The following PPP2R5C variants were observed in gnomAD, a reference collection of about 807,000 sequenced individuals.
The protein encoded by PPP2R5C is protein phosphatase 2 regulatory subunit B'gamma.
In PPP2R5C, 7 loss-of-function variants were observed where a neutral mutation model predicts 68.9. The ratio of observed to expected loss-of-function variants is 0.10; its 90% CI spans 0.06 to 0.19. PPP2R5C has a LOEUF of 0.19. Ranked by LOEUF, PPP2R5C falls within the 10% of genes least tolerant of loss-of-function variation. The pLI is 1.00. For missense variants in PPP2R5C, 348 were observed against 641.3 expected (o/e 0.54, Z 4.94); for synonymous variants, 210 against 222.2 (o/e 0.95, Z 0.49).
At chr14:101,811,234 A>C (rs1317672491) in intron 1 of PPP2R5C, among the ~76,000 whole-genome samples, 1 of 152,246 alleles carries the variant, frequency 6.6e-6, no homozygotes, top group East Asian at 1.9e-4. Flanking sequence ...TTTGTAGTGC[A>C]CCCAGTAAAA....
intron 1 of PPP2R5C, among the ~76,000 whole-genome samples, chr14:101,817,347 T>A (rs1190825404): frequency 6.6e-6 from 1 of 152,156 alleles, no homozygotes; most frequent in African/African-American, 2.4e-5. Context: ...AGGGTCTGCT[T>A]TGGAAAAAAT....
chr14:101,897,974 G>GT (rs1041675413), intron 8 of PPP2R5C, among the ~76,000 whole-genome samples: 1 of 150,926 alleles, frequency 6.6e-6, no homozygotes, highest in Non-Finnish European at 1.5e-5. Flanking sequence ...GGGAAACATA[G>GT]TGAGACCTCC....
At chr14:101,839,763 G>C (rs1343598443) in intron 1 of PPP2R5C, among the ~76,000 whole-genome samples, 2 of 152,234 alleles carry the variant, frequency 1.3e-5, no homozygotes, top group Non-Finnish European at 2.9e-5. Context: ...CACATGTCCA[G>C]TGAAATTTCA....
exon 14 of PPP2R5C, chr14:101,925,274 C>T (rs1399310562): frequency 1.9e-6 from 3 of 1,612,062 alleles, no homozygotes; most frequent in African/African-American, 1.3e-5. Context: ...GGCCGCTAGC[C>T]TCCGGGGCGC....
At chr14:101,867,568 A>G (rs1233650860) in intron 2 of PPP2R5C, among the ~76,000 whole-genome samples, 3 of 152,188 alleles carry the variant, frequency 2.0e-5, no homozygotes, top group Admixed American at 2.0e-4. Context: ...ACCTGAGGTC[A>G]GGAGCTCGAG....
intron 5 of PPP2R5C, among the ~76,000 whole-genome samples, chr14:101,884,949 T>C (rs1281812846): frequency 6.6e-6 from 1 of 152,280 alleles, no homozygotes; most frequent in East Asian, 1.9e-4. Flanking sequence ...TTCTTTTTGT[T>C]CCTGGAAAGT....
chr14:101,816,874 A>G (rs538868253), intron 1 of PPP2R5C, among the ~76,000 whole-genome samples: 18 of 136,408 alleles, frequency 1.3e-4, no homozygotes, highest in Non-Finnish European at 1.4e-4. Context: ...ATTTATTTAT[A>G]TATATATTAT....
intron 1 of PPP2R5C, among the ~76,000 whole-genome samples, chr14:101,847,770 C>A (rs1459046188): frequency 1.3e-5 from 2 of 150,386 alleles, no homozygotes; most frequent in Non-Finnish European, 2.9e-5. Flanking sequence ...TCAAGCGATT[C>A]TCCTGCCTCA....
Position 101,783,926 on chromosome 14 carries a change from C to T in PPP2R5C, c.94-2092C>T, listed in dbSNP as rs143736395. ...CAATGCCAGGGGCACCCAGAGAAGG[C>T]GGAGCAGAAACCTGTCTAACTGGGG... is the stretch of plus-strand genomic sequence containing the variant. On this transcript the variant is annotated intron_variant, in intron 2 of 14. Transcript: ENST00000328724. Among the ~76,000 whole-genome samples the T allele has an allele frequency of 5.2e-3, 787 of 152,314 alleles. 8 individuals are homozygous for T. The highest frequency in any genetic ancestry group is 0.014 in the African/African-American group (596 of 41,560).
intron 1 of PPP2R5C, among the ~76,000 whole-genome samples, chr14:101,812,436 TAGGA>T (rs912916289): frequency 6.6e-6 from 1 of 152,136 alleles, no homozygotes; most frequent in African/African-American, 2.4e-5. Flanking sequence ...CCCGTTTATT[TAGGA>T]AGGAGGGGTC....
chr14:101,801,815 C>T (rs1412737072), intron 3 of PPP2R5C, among the ~76,000 whole-genome samples: 1 of 152,210 alleles, frequency 6.6e-6, no homozygotes, highest in Non-Finnish European at 1.5e-5. Flanking sequence ...TTACAGCATT[C>T]TTTTCCAGAA....
intron 1 of PPP2R5C, among the ~76,000 whole-genome samples, chr14:101,842,856 A>G (rs552558406): frequency 7.9e-4 from 115 of 145,564 alleles, no homozygotes; most frequent in Admixed American, 1.9e-3. Context: ...CGCTACTACT[A>G]TGTCCTATCA....
chr14:101,894,463 T>G, intron 7 of PPP2R5C, 44 bp from the exon 10 acceptor site: 1 of 1,583,412 alleles, frequency 6.3e-7, no homozygotes. Flanking sequence ...ACAGCAGCAT[T>G]TTTATGTTGA....
intron 1 of PPP2R5C, among the ~76,000 whole-genome samples, chr14:101,817,568 C>T (rs1435276192): frequency 6.6e-6 from 1 of 152,130 alleles, no homozygotes; most frequent in Non-Finnish European, 1.5e-5. Flanking sequence ...TGGAGTGTAA[C>T]TGCCTTTGAG....
chr14:101,821,973 GA>G (rs1457231654), intron 1 of PPP2R5C, among the ~76,000 whole-genome samples: 2 of 152,010 alleles, frequency 1.3e-5, no homozygotes, highest in African/African-American at 2.4e-5. Context: ...GTCCTGAGGA[GA>G]TGTTTCCCTT....
intron 2 of PPP2R5C, among the ~76,000 whole-genome samples, chr14:101,777,482 T>G (rs541007442): frequency 2.0e-5 from 3 of 152,148 alleles, no homozygotes; most frequent in African/African-American, 7.2e-5. Flanking sequence ...CCCAAGTAGC[T>G]GGGATTACAG....
intron 13 of PPP2R5C, among the ~76,000 whole-genome samples, chr14:101,923,826 C>T: frequency 8.5e-6 from 1 of 118,314 alleles, no homozygotes; most frequent in East Asian, 1.9e-4. Flanking sequence ...AGGACTTCTG[C>T]AGGTCCTTGA....
rs1477747043 is a variant in PPP2R5C at position 101,825,650 on chromosome 14, T to C, written c.94+15614T>C. 2.6e-5 allele frequency among the ~76,000 whole-genome samples: 4 copies of C among 152,206 alleles called. No individual in the cohort carries two copies. The highest frequency in any genetic ancestry group is 9.7e-5 in the African/African-American group (4 of 41,448). ...ACTGAACTTTCATGTTGGCATTTCA[T>C]TTAGTTGAATGAACCAGTTTTGTTG... On this transcript the variant is annotated intron_variant, in intron 1 of 13. Transcript: ENST00000334743. The surrounding 1 kb of genome is among the most constrained non-coding windows in gnomAD (Gnocchi z 4.0).
At chr14:101,855,141 G>C (rs1382932832) in intron 1 of PPP2R5C, among the ~76,000 whole-genome samples, 2 of 152,220 alleles carry the variant, frequency 1.3e-5, no homozygotes, top group African/African-American at 4.8e-5. Flanking sequence ...GTGCATTCCA[G>C]CCTGGGCAAC....
Sources: gnomAD v4.1 joint callset for allele counts (sites outside exome capture counted in the v4.1 genomes callset) on GRCh38, gnomAD v4.1.1 for gene constraint, Gnocchi (gnomAD v3.1) non-coding constraint, MANE v1.5 for transcripts, NCBI Gene and HGNC (gene_info 2026-07-23, HGNC 2026-07-21) for gene names.